Variants in WWOX observed in about 807,000 individuals in gnomAD.
The protein encoded by WWOX is WW domain-containing oxidoreductase.
In WWOX, 69 loss-of-function variants were observed where a neutral mutation model predicts 46.2. That is an observed-to-expected ratio of 1.49 (90% CI 1.23 to 1.82). The LOEUF (loss-of-function observed/expected upper bound fraction) is 1.82, where lower values mean the gene tolerates loss of function less well. Ranked by LOEUF, WWOX falls within the 40% of genes most tolerant of loss-of-function variation. The pLI, the probability that WWOX is intolerant of heterozygous loss-of-function variation, is 0.00. For missense variants in WWOX, 919 were observed against 542.6 expected (o/e 1.69, Z -6.89); for synonymous variants, 359 against 202.6 (o/e 1.77, Z -6.56).
At chr16:78,713,483 A>T (rs1189256657) in intron 8 of WWOX, among the ~76,000 whole-genome samples, 2 of 152,036 alleles carry the variant, frequency 1.3e-5, no homozygotes, top group Admixed American at 6.6e-5. Flanking sequence ...AGTACCTCAT[A>T]ATGTTACTCT....
intron 5 of WWOX, among the ~76,000 whole-genome samples, chr16:78,228,972 T>A (rs966497546): frequency 2.0e-5 from 3 of 152,186 alleles, no homozygotes; most frequent in African/African-American, 7.2e-5. Flanking sequence ...GATGTGTACT[T>A]ACTTCTATTT....
Position 78,347,678 on chromosome 16 carries a change from A to G in WWOX, c.517-39182A>G, listed in dbSNP as rs1453285977. 1.6e-5 allele frequency among the ~76,000 whole-genome samples: 2 copies of G among 122,290 alleles called. 1 individual carries two copies. The allele number at this position is 122,290 out of a possible 152,430, so 80.2% of individuals were successfully genotyped here. ...TCACTTTTATCTTTTTAAGAAATTA[A>G]TTGCATTACTATCTTATTAAAGGTC... is the stretch of plus-strand genomic sequence containing the variant. On this transcript the variant is annotated intron_variant, in intron 5 of 8. Coordinates refer to ENST00000566780, the MANE Select transcript of WWOX (RefSeq NM_016373.4).
At chr16:78,997,778 A>G (rs1391064687) in intron 8 of WWOX, among the ~76,000 whole-genome samples, 2 of 152,076 alleles carry the variant, frequency 1.3e-5, no homozygotes, top group African/African-American at 4.8e-5. Flanking sequence ...AAGGTCAACC[A>G]AGTATGGGAT....
intron 5 of WWOX, among the ~76,000 whole-genome samples, chr16:78,186,545 C>T (rs1567618814): frequency 1.3e-5 from 2 of 152,210 alleles, no homozygotes; most frequent in Admixed American, 1.3e-4. Context: ...AGGTGGATCA[C>T]TTGTGGTCAG....
chr16:79,208,698 G>T (rs1597482183), intron 8 of WWOX, among the ~76,000 whole-genome samples: 1 of 151,808 alleles, frequency 6.6e-6, no homozygotes, highest in Admixed American at 6.6e-5. Context: ...TTACTATTGA[G>T]ATTTCACTAA....
At chr16:78,353,678 G>C (rs2081227446) in intron 5 of WWOX, among the ~76,000 whole-genome samples, 2 of 152,216 alleles carry the variant, frequency 1.3e-5, no homozygotes, top group African/African-American at 4.8e-5. Context: ...ATGTAACTCT[G>C]TCCTGAAGAA....
intron 5 of WWOX, among the ~76,000 whole-genome samples, chr16:78,363,876 A>T (rs1370441177): frequency 6.6e-6 from 1 of 152,166 alleles, no homozygotes; most frequent in African/African-American, 2.4e-5. Flanking sequence ...CAGGGCCTGG[A>T]TGGGAAGCCC....
chr16:78,300,981 C>T (rs2080029798), intron 5 of WWOX, among the ~76,000 whole-genome samples: 2 of 151,438 alleles, frequency 1.3e-5, no homozygotes, highest in African/African-American at 4.8e-5. Flanking sequence ...TACATTTATC[C>T]ATCCATCTAC....
chr16:79,154,503 C>CAAA (rs67379862), intron 8 of WWOX, among the ~76,000 whole-genome samples: 4 of 88,154 alleles, frequency 4.5e-5, no homozygotes, highest in South Asian at 3.9e-4. Context: ...TCCTCTTTTG[C>CAAA]AAAAAAAAAA....
chr16:78,580,538 C>G (rs1286982833), intron 8 of WWOX, among the ~76,000 whole-genome samples: 1 of 152,180 alleles, frequency 6.6e-6, no homozygotes, highest in Non-Finnish European at 1.5e-5. Flanking sequence ...AACAAATTGC[C>G]AAATGCAAGG....
intron 8 of WWOX, among the ~76,000 whole-genome samples, chr16:79,166,390 C>T (rs12051388): frequency 0.52 from 79,008 of 151,910 alleles, 21,245 homozygotes; most frequent in East Asian, 0.88. Context: ...TGCAGCTTTT[C>T]TTCCCTTTTG....
intron 8 of WWOX, among the ~76,000 whole-genome samples, chr16:78,914,716 A>G (rs542600664): frequency 6.6e-6 from 1 of 150,728 alleles, no homozygotes; most frequent in Non-Finnish European, 1.5e-5. Context: ...CGTCTCTACT[A>G]AAAATACAAA....
rs74426685 is a variant in WWOX, at chr16:78,697,806, C to T, written c.1056+265054C>T. ...ACTCGGTATAGGGTTTAATCCCATCCTAAGTTGAGGAGCATCTGTATCTGT... is the reference window on the plus strand; with the variant it reads ...ACTCGGTATAGGGTTTAATCCCATCTTAAGTTGAGGAGCATCTGTATCTGT... On this transcript the variant is annotated intron_variant, in intron 8 of 8. Transcript: ENST00000566780. 2.1e-4 allele frequency among the ~76,000 whole-genome samples: 32 copies of T among 152,180 alleles called. No homozygotes were observed. The East Asian group carries it at 5.6e-3, about 27-fold the overall frequency.
chr16:79,039,786 C>T (rs1294389567), intron 8 of WWOX, among the ~76,000 whole-genome samples: 3 of 152,142 alleles, frequency 2.0e-5, no homozygotes, highest in Non-Finnish European at 2.9e-5. Context: ...TCGAAATCTC[C>T]CTTCTCTGAA....
intron 8 of WWOX, among the ~76,000 whole-genome samples, chr16:78,480,316 A>G (rs2084456341): frequency 6.6e-6 from 1 of 152,190 alleles, no homozygotes; most frequent in African/African-American, 2.4e-5. Flanking sequence ...TTAGTCCCCA[A>G]AGTGTGAAGG....
intron 8 of WWOX, among the ~76,000 whole-genome samples, chr16:79,025,906 C>G (rs542298382): frequency 7.0e-6 from 1 of 143,582 alleles, no homozygotes; most frequent in Admixed American, 7.3e-5. Context: ...TCAAGTGATT[C>G]TCCTGCCTCA....
intron 8 of WWOX, chr16:79,203,952 A>G (rs955976089): frequency 1.3e-5 from 2 of 152,214 alleles, no homozygotes; most frequent in African/African-American, 2.4e-5. Context: ...ATCTTCTTTT[A>G]TATCTTATAA....
At chr16:79,026,567 C>G (rs866454400) in intron 8 of WWOX, among the ~76,000 whole-genome samples, 2 of 150,802 alleles carry the variant, frequency 1.3e-5, no homozygotes, top group Middle Eastern at 3.4e-3. Flanking sequence ...TTTCTGCACT[C>G]TCCTGCCTCT....
At chr16:79,109,865 C>T (rs1385698786) in intron 8 of WWOX, among the ~76,000 whole-genome samples, 1 of 152,090 alleles carries the variant, frequency 6.6e-6, no homozygotes, top group Non-Finnish European at 1.5e-5. Context: ...CATGTTACTG[C>T]AGTACAAGAT....
Sources: gnomAD v4.1 joint callset for allele counts (sites outside exome capture counted in the v4.1 genomes callset) on GRCh38, gnomAD v4.1.1 for gene constraint, MANE v1.5 for transcripts, NCBI Gene and HGNC (gene_info 2026-07-23, HGNC 2026-07-21) for gene names.